The following DMXL2 variants were observed in gnomAD, a reference collection of about 807,000 sequenced individuals.
The protein encoded by DMXL2 is Dmx like 2, also known as dmX-like protein 2.
Under a neutral mutation model 331.1 loss-of-function variants are expected in DMXL2, and 103 were observed. The ratio of observed to expected loss-of-function variants is 0.31; its 90% CI spans 0.27 to 0.37. The LOEUF (loss-of-function observed/expected upper bound fraction) is 0.37, where lower values mean the gene tolerates loss of function less well. Ranked by LOEUF, DMXL2 falls within the 10% of genes least tolerant of loss-of-function variation. The probability of loss-of-function intolerance (pLI) is 1.00; values close to 1 mark genes in which losing one functional copy is unlikely to be tolerated. For missense variants in DMXL2, 3,171 were observed against 3,642.9 expected (o/e 0.87, Z 3.33); for synonymous variants, 1,281 against 1,252.1 (o/e 1.02, Z -0.49).
intron 15 of DMXL2, among the ~76,000 whole-genome samples, chr15:51,511,484 A>C (rs2046751930): frequency 6.6e-6 from 1 of 152,280 alleles, no homozygotes; most frequent in East Asian, 1.9e-4. Flanking sequence ...TCAAAACCAC[A>C]ATGAGATACC....
chr15:51,576,182 CTAA>C lies in DMXL2; in HGVS notation c.88-4_88-2del. 1 of 734,612 alleles carries C rather than the reference CTAA, an allele frequency of 1.4e-6. No homozygotes were observed. The highest frequency in any genetic ancestry group is 1.7e-6 in the Non-Finnish European group (1 of 583,368). 45.5% of individuals were successfully genotyped at this position (734,612 alleles called of 1,614,324 possible). ...CAATATCACAGCCTGATCCATATGC[CTAA>C]AAAAAAAAAAAAAAAAAAGTTTTAC... On this transcript the variant is annotated splice_acceptor_variant and splice_polypyrimidine_tract_variant and intron_variant, in intron 1 of 43. Coordinates refer to ENST00000560891, the MANE Select transcript of DMXL2 (RefSeq NM_001378457.1). LOFTEE classifies it high-confidence loss of function.
chr15:51,534,906 G>A (rs2048201345), intron 13 of DMXL2, among the ~76,000 whole-genome samples: 1 of 151,992 alleles, frequency 6.6e-6, no homozygotes, highest in Non-Finnish European at 1.5e-5. Context: ...AACACTTCTA[G>A]GGCCATCCTT....
intron 27 of DMXL2, among the ~76,000 whole-genome samples, chr15:51,475,450 C>T (rs1001511352): frequency 1.3e-5 from 2 of 151,860 alleles, no homozygotes; most frequent in East Asian, 1.9e-4. Context: ...GCCGAGATTG[C>T]GCCACTGCAC....
intron 8 of DMXL2, among the ~76,000 whole-genome samples, chr15:51,544,457 A>G (rs1310995713): frequency 6.6e-6 from 1 of 152,204 alleles, no homozygotes; most frequent in Non-Finnish European, 1.5e-5. Flanking sequence ...CTATAGGACC[A>G]TGAGCCAATT....
intron 17 of DMXL2, among the ~76,000 whole-genome samples, chr15:51,502,595 T>C (rs971278485): frequency 1.9e-4 from 29 of 152,130 alleles, no homozygotes; most frequent in Non-Finnish European, 4.0e-4. Context: ...AGTGCTGGGA[T>C]TACAGAAGTG....
chr15:51,453,008 G>A (rs991611499), intron 41 of DMXL2, among the ~76,000 whole-genome samples: 1 of 152,040 alleles, frequency 6.6e-6, no homozygotes, highest in South Asian at 2.1e-4. Context: ...TATGTCGTAT[G>A]TTCTCACTTG....
intron 34 of DMXL2, 65 bp from the exon 35 acceptor site, chr15:51,458,860 C>T: frequency 1.5e-6 from 2 of 1,320,254 alleles, no homozygotes; most frequent in Non-Finnish European, 2.1e-6. Flanking sequence ...TATGCACATC[C>T]CATAAGATTT....
At chr15:51,595,738 C>G (rs1195944058) in intron 1 of DMXL2, among the ~76,000 whole-genome samples, 1 of 152,162 alleles carries the variant, frequency 6.6e-6, no homozygotes, top group Non-Finnish European at 1.5e-5. Context: ...ATCAATGGAA[C>G]AGAACAGAGC....
In DMXL2 at chr15:51,480,800, A is replaced by G. The variant is rs944437783; in HGVS notation, c.6306T>C (p.Tyr2102=). ...SVIKEYSSKT[Y]SKVESDLLDQ... is the part of the protein sequence containing the mutation. The stretch of plus-strand genomic sequence containing the variant: ...CCAGCAGATCACTCTCTACTTTGGA[A>G]TATGTCTTACTGGAATACTCTTTAA... Residue 2102 remains tyrosine, a synonymous_variant, in exon 24 of 44, where the codon TAT becomes TAC. Coordinates refer to ENST00000560891, the MANE Select transcript of DMXL2 (RefSeq NM_001378457.1). The G allele has an allele frequency of 6.2e-7, 1 of 1,608,878 alleles. No homozygotes were observed. Among genetic ancestry groups the G allele is most frequent in the Admixed American group, 1.7e-5 (1 of 59,386 alleles).
At chr15:51,549,114 C>G (rs1040083730) in intron 6 of DMXL2, among the ~76,000 whole-genome samples, 3 of 152,004 alleles carry the variant, frequency 2.0e-5, no homozygotes, top group Non-Finnish European at 2.9e-5. Context: ...CACTCTCCTC[C>G]CACCCTTCCT....
chr15:51,529,126 G>A (rs1363528667), intron 13 of DMXL2, among the ~76,000 whole-genome samples: 1 of 152,056 alleles, frequency 6.6e-6, no homozygotes, highest in Non-Finnish European at 1.5e-5. Context: ...AAAGAGGGAA[G>A]TTTATAGCTG....
At chr15:51,462,063 A>C (rs1301375451) in intron 33 of DMXL2, among the ~76,000 whole-genome samples, 1 of 152,188 alleles carries the variant, frequency 6.6e-6, no homozygotes, top group Non-Finnish European at 1.5e-5. Flanking sequence ...TCTACAGTTC[A>C]TTCTTCTACT....
At position 51,491,573 on chromosome 15, in the gene DMXL2, G is replaced by GT. The variant is rs767641727; in HGVS notation, c.4953+4dup. On this transcript the variant is annotated splice_donor_region_variant and intron_variant, in intron 20 of 43. Coordinates refer to ENST00000560891, the MANE Select transcript of DMXL2 (RefSeq NM_001378457.1). The stretch of plus-strand genomic sequence containing the variant: ...ATAACTCAAAATCCACTAAAGAAAA[G>GT]TTACCTTTTCAATGCATCTTCGAAG... 6.3e-7 allele frequency: 1 copy of GT among 1,587,678 alleles called. No homozygotes were observed. The highest frequency in any genetic ancestry group is 1.9e-5 in the Admixed American group (1 of 52,532).
chr15:51,484,287 G>T (rs2042232659), intron 23 of DMXL2, among the ~76,000 whole-genome samples: 1 of 152,204 alleles, frequency 6.6e-6, no homozygotes, highest in Admixed American at 6.5e-5. Context: ...CAGAGTAACA[G>T]ACCTGTGGCC....
At chr15:51,491,477 C>CA in intron 20 of DMXL2, 101 bp downstream of exon 20, 2 of 1,216,818 alleles carry the variant, frequency 1.6e-6, no homozygotes, top group Non-Finnish European at 2.3e-6. Context: ...TCAAGATAGA[C>CA]AAACAAATTT....
intron 23 of DMXL2, among the ~76,000 whole-genome samples, chr15:51,485,730 G>GA (rs2042345633): frequency 1.3e-5 from 2 of 151,876 alleles, no homozygotes; most frequent in South Asian, 4.1e-4. Flanking sequence ...GGATAACAAG[G>GA]AAAAAAGAAA....
intron 13 of DMXL2, among the ~76,000 whole-genome samples, chr15:51,529,869 C>A (rs2047901172): frequency 6.6e-6 from 1 of 151,950 alleles, no homozygotes; most frequent in Non-Finnish European, 1.5e-5. Context: ...AAAACACTAC[C>A]AAGTAAATTC....
chr15:51,566,966 G>A (rs1259852315), intron 3 of DMXL2: 1 of 151,692 alleles, frequency 6.6e-6, no homozygotes, highest in Non-Finnish European at 1.5e-5. Flanking sequence ...ACTTAGCTGA[G>A]CTGGTAAGTG....
intron 26 of DMXL2, among the ~76,000 whole-genome samples, chr15:51,477,728 A>T (rs2041700155): frequency 6.6e-6 from 1 of 152,224 alleles, no homozygotes; most frequent in Non-Finnish European, 1.5e-5. Flanking sequence ...CTAGTCATTA[A>T]AATGCAAAGT....
Sources: gnomAD v4.1 joint callset for allele counts (sites outside exome capture counted in the v4.1 genomes callset) on GRCh38, gnomAD v4.1.1 for gene constraint, MANE v1.5 for transcripts, NCBI Gene and HGNC (gene_info 2026-07-23, HGNC 2026-07-21) for gene names.